The following STK3 variants were observed in gnomAD, a reference collection of about 807,000 sequenced individuals.
STK3 encodes serine/threonine kinase 3.
A neutral mutation model predicts 58.0 loss-of-function variants in STK3; 41 were observed. The ratio of observed to expected loss-of-function variants is 0.71; its 90% CI spans 0.55 to 0.92. STK3 has a LOEUF of 0.92. Among genes scored for constraint, STK3 ranks in the 40% least tolerant of loss-of-function variants. The probability of loss-of-function intolerance (pLI) is 0.00; values close to 1 mark genes in which losing one functional copy is unlikely to be tolerated. For synonymous variants in STK3, 170 were observed against 191.0 expected, an observed-to-expected ratio of 0.89 and a Z score of 0.91; for missense variants, 479 against 602.7, an observed-to-expected ratio of 0.79 and a Z score of 2.15.
rs549852718 is a variant in STK3 at position 98,915,956 on chromosome 8, C to A, written c.-79+26422G>T. On this transcript the variant is annotated intron_variant, in intron 1 of 1. Coordinates refer to the STK3 transcript ENST00000519420. ...AGAAAATTCCTCCTGTTTCAAAGACCTACAAAGCAGTAGCAGATTCACCAA... is the reference window on the plus strand; with the variant it reads ...AGAAAATTCCTCCTGTTTCAAAGACATACAAAGCAGTAGCAGATTCACCAA... Among the ~76,000 whole-genome samples the A allele has an allele frequency of 2.0e-5, 3 of 152,198 alleles. No homozygotes were observed. In the East Asian group the frequency reaches 5.8e-4, roughly 29 times the overall value.
chr8:98,782,157 C>A (rs926937200), intron 1 of STK3: 19 of 223,480 alleles, frequency 8.5e-5, no homozygotes, highest in Admixed American at 4.7e-5. Flanking sequence ...CTCCTGTCAG[C>A]AGATCCAGAA....
chr8:98,614,617 C>A (rs549190637), intron 6 of STK3, among the ~76,000 whole-genome samples: 1 of 152,274 alleles, frequency 6.6e-6, no homozygotes, highest in African/African-American at 2.4e-5. Flanking sequence ...GTGCGCGAGC[C>A]GAAGCAGGGC....
intron 3 of STK3, among the ~76,000 whole-genome samples, chr8:98,755,306 T>C (rs144400635): frequency 3.9e-5 from 6 of 152,296 alleles, no homozygotes; most frequent in Middle Eastern, 3.4e-3. Context: ...TCATACCGAA[T>C]ACACTAGCAT....
chr8:98,650,310 G>C (rs2130694124), intron 6 of STK3, among the ~76,000 whole-genome samples: 1 of 152,280 alleles, frequency 6.6e-6, no homozygotes, highest in East Asian at 1.9e-4. Flanking sequence ...AATAACATTA[G>C]CATTCCACTG....
chr8:98,903,535 CTTCTTCTTCTTCTTCTTCTTCCTTT>C (rs1177409026), intron 1 of STK3, among the ~76,000 whole-genome samples: 46 of 29,634 alleles, frequency 1.6e-3, no homozygotes, highest in African/African-American at 8.8e-3. Context: ...TCTTCTTCTT[CTTCTTCTTCTTCTTCTTCTTCCTTT>C]TTTTTTTTTT....
At chr8:98,941,993 C>T (rs1262000154) in intron 1 of STK3, among the ~76,000 whole-genome samples, 1 of 152,216 alleles carries the variant, frequency 6.6e-6, no homozygotes, top group African/African-American at 2.4e-5. Flanking sequence ...CTGCAGACTC[C>T]GGGACTTCCC....
At chr8:98,815,754 T>C (rs939560991) in intron 1 of STK3, among the ~76,000 whole-genome samples, 3 of 152,152 alleles carry the variant, frequency 2.0e-5, no homozygotes, top group African/African-American at 7.2e-5. Flanking sequence ...AAGGAAAGAA[T>C]CAAACATTTA....
At chr8:98,621,698 C>A (rs560828462) in intron 6 of STK3, among the ~76,000 whole-genome samples, 110 of 152,000 alleles carry the variant, frequency 7.2e-4, no homozygotes, top group Admixed American at 4.6e-4. Context: ...ATTGATTCAG[C>A]TGAATGGTAC....
intron 3 of STK3, chr8:98,432,620 A>ATGCAACTTAAT: frequency 6.0e-6 from 1 of 167,258 alleles, no homozygotes; most frequent in Admixed American, 6.5e-5. Flanking sequence ...CTACCTGCTA[A>ATGCAACTTAAT]TTCTTGCCGC....
At chr8:98,439,424 C>G (rs1355141428) in intron 1 of STK3, 1 of 152,154 alleles carries the variant, frequency 6.6e-6, no homozygotes, top group Non-Finnish European at 1.5e-5. Flanking sequence ...GGCACTGCCA[C>G]CAACAATGAG....
chr8:98,707,057 C>T (rs967695141), intron 5 of STK3, 90 bp downstream of exon 5: 6 of 1,348,054 alleles, frequency 4.5e-6, no homozygotes, highest in Non-Finnish European at 4.0e-6. Flanking sequence ...CATTTCTTTC[C>T]ATTCCCCCTC....
chr8:98,574,151 A>AT lies in STK3; in HGVS notation c.948+5512_948+5513insA, dbSNP rs1363780219. On this transcript the variant is annotated intron_variant, in intron 8 of 10. Transcript: ENST00000419617. ...TGGCTATAGGAACCAGAAAAGTAAC[A>AT]GGAAAAGTAAAAAATGTACCTAATG... 8.5e-5 allele frequency among the ~76,000 whole-genome samples: 13 copies of AT among 152,318 alleles called. No individual in the cohort carries two copies. In the East Asian group the frequency reaches 2.5e-3, roughly 29 times the overall value.
intron 1 of STK3, among the ~76,000 whole-genome samples, chr8:98,924,993 G>GA (rs1218565264): frequency 1.3e-5 from 2 of 152,168 alleles, no homozygotes; most frequent in African/African-American, 2.4e-5. Context: ...GGACAAAGGA[G>GA]AAAACTACTC....
chr8:98,774,671 TAAC>T, intron 2 of STK3, 65 bp downstream of exon 2: 1 of 1,127,700 alleles, frequency 8.9e-7, no homozygotes, highest in Non-Finnish European at 1.3e-6. Context: ...GTTGAAAGAT[TAAC>T]ATCATATAAT....
At chr8:98,525,839 T>A (rs1344989804) in intron 10 of STK3, among the ~76,000 whole-genome samples, 1 of 151,960 alleles carries the variant, frequency 6.6e-6, no homozygotes, top group African/African-American at 2.4e-5. Flanking sequence ...TTTAGAGTCA[T>A]GTTGTCTAAG....
intron 1 of STK3, among the ~76,000 whole-genome samples, chr8:98,901,487 G>T (rs776000884): frequency 6.6e-6 from 1 of 152,248 alleles, no homozygotes; most frequent in Non-Finnish European, 1.5e-5. Context: ...AAGCCTGGGA[G>T]CGGGAAGGCT....
chr8:98,533,600 A>G lies in STK3; in HGVS notation c.1142-6683T>C, dbSNP rs193198005. Among the ~76,000 whole-genome samples the G allele has an allele frequency of 9.8e-3, 1,484 of 152,104 alleles. 10 individuals carry two copies. Among genetic ancestry groups the G allele is most frequent in the Admixed American group, 0.019 (290 of 15,270 alleles). On this transcript the variant is annotated intron_variant, in intron 9 of 10. Transcript: ENST00000419617. ...CCTTCTGGGCTCAAGCGATTTTCCC[A>G]TCTCAGCCTCCTGAGTAGCTAGGAC...
upstream of STK3, among the ~76,000 whole-genome samples, chr8:98,830,573 C>T (rs1835489057): frequency 6.6e-6 from 1 of 152,184 alleles, no homozygotes; most frequent in South Asian, 2.1e-4. Flanking sequence ...ATAGAAGTCA[C>T]CATTCAAACT....
chr8:98,830,378 A>T (rs1401320270), upstream of STK3, among the ~76,000 whole-genome samples: 1 of 152,158 alleles, frequency 6.6e-6, no homozygotes, highest in Non-Finnish European at 1.5e-5. Flanking sequence ...GGAATGTTAG[A>T]ATGTGAGGCC....
Sources: gnomAD v4.1 joint callset for allele counts (sites outside exome capture counted in the v4.1 genomes callset) on GRCh38, gnomAD v4.1.1 for gene constraint, MANE v1.5 for transcripts, NCBI Gene and HGNC (gene_info 2026-07-23, HGNC 2026-07-21) for gene names.